Variants in VRK1 observed in about 807,000 individuals in gnomAD.
VRK1 encodes VRK serine/threonine kinase 1, also known as serine/threonine-protein kinase VRK1.
VRK1 carries 33 observed loss-of-function variants against 57.1 expected under a neutral mutation model. The ratio of observed to expected loss-of-function variants is 0.58; its 90% CI spans 0.44 to 0.77. The LOEUF is 0.77. Ranked by LOEUF, VRK1 falls within the 30% of genes least tolerant of loss-of-function variation. The probability of loss-of-function intolerance (pLI) is 0.00; values close to 1 mark genes in which losing one functional copy is unlikely to be tolerated. For missense variants in VRK1, 413 were observed against 477.3 expected (o/e 0.87, Z 1.25); for synonymous variants, 137 against 147.8 (o/e 0.93, Z 0.53).
At chr14:96,849,726 A>AT (rs1468639292) in intron 5 of VRK1, among the ~76,000 whole-genome samples, 1 of 152,118 alleles carries the variant, frequency 6.6e-6, no homozygotes, top group African/African-American at 2.4e-5. Flanking sequence ...AATTGGTTTC[A>AT]TTTGTTTGTC....
chr14:96,846,754 A>G (rs537558363), intron 4 of VRK1, among the ~76,000 whole-genome samples: 5 of 152,040 alleles, frequency 3.3e-5, no homozygotes, highest in Admixed American at 1.3e-4. Flanking sequence ...CAATTCAATA[A>G]TAAAAAATAA....
intron 1 of VRK1, among the ~76,000 whole-genome samples, chr14:96,800,652 T>C (rs1885622216): frequency 6.6e-6 from 1 of 152,102 alleles, no homozygotes; most frequent in African/African-American, 2.4e-5. Flanking sequence ...GGTAAGTATA[T>C]GGATTTTGAT....
chr14:96,837,762 C>T lies in VRK1; in HGVS notation c.161C>T (p.Ala54Val). 1 of 1,554,414 alleles carries T rather than the reference C, an allele frequency of 6.4e-7. No individual in the cohort carries two copies. Among genetic ancestry groups the T allele is most frequent in the Non-Finnish European group, 8.7e-7 (1 of 1,148,956 alleles). ...GQGGFGCIYL[A>V]DMNSSESVGS... is the part of the protein sequence containing the mutation. ...TCAAATATTTTACTTTTTTAAACAG[C>T]TGATATGAATTCTTCAGAGTCAGTT... The change falls in exon 3 of 13, where the codon GCT (alanine) becomes GTT (valine). Residue 54 changes from alanine to valine, a missense_variant and splice_region_variant. By Grantham distance (64) the Ala-to-Val change is moderately conservative. Around this residue, in one of 3 missense-constraint regions of VRK1, gnomAD observed 116 missense variants for 113.6 expected, o/e 1.02. Coordinates refer to ENST00000216639, the MANE Select transcript of VRK1 (RefSeq NM_003384.3).
intron 1 of VRK1, among the ~76,000 whole-genome samples, chr14:96,831,504 ATTACAATTAGTTTCAATTAG>A (rs1887003366): frequency 6.6e-6 from 1 of 152,212 alleles, no homozygotes; most frequent in African/African-American, 2.4e-5. Context: ...TTAATTAATT[ATTACAATTAGTTTCAATTAG>A]TTGGCCACAG....
At position 96,850,490 on chromosome 14, in the gene VRK1, G is replaced by A. The variant is rs78119853; in HGVS notation, c.375-2341G>A. Reference sequence around the variant, plus strand: ...GTCTTTCCAGAAGAATGTGGTAATGGTTTCTGTGAAATTTGTGGAATCATG... The same window carrying A: ...GTCTTTCCAGAAGAATGTGGTAATGATTTCTGTGAAATTTGTGGAATCATG... On this transcript the variant is annotated intron_variant, in intron 5 of 12. Coordinates refer to ENST00000216639, the MANE Select transcript of VRK1 (RefSeq NM_003384.3). Among the ~76,000 whole-genome samples the A allele has an allele frequency of 7.3e-3, 1,113 of 152,264 alleles. 16 individuals are homozygous for A. The highest frequency in any genetic ancestry group is 0.026 in the African/African-American group (1,066 of 41,560).
rs148342698 is a variant in VRK1 at position 96,856,732 on chromosome 14, G to T, written c.889+146G>T. 20 of 711,258 alleles carry T rather than the reference G, an allele frequency of 2.8e-5. No individual in the cohort carries two copies. In the African/African-American group the frequency reaches 3.3e-4, roughly 12 times the overall value. 44.1% of individuals were successfully genotyped at this position (711,258 alleles called of 1,614,324 possible). A position where few individuals can be genotyped will look rare whatever the true frequency, so the allele number is the denominator to read the frequency against. On this transcript the variant is annotated intron_variant, in intron 10 of 12. Coordinates refer to ENST00000216639, the MANE Select transcript of VRK1 (RefSeq NM_003384.3). ...ACCTGTAATCCCAGCACTTTGGGAG[G>T]CTGAGGTGGGTGGATCACGAGGTCA...
chr14:96,807,579 G>A lies in VRK1; in HGVS notation c.-6+10132G>A, dbSNP rs114567259. Among the ~76,000 whole-genome samples the A allele has an allele frequency of 5.9e-3, 892 of 152,280 alleles. 11 individuals carry two copies. Among genetic ancestry groups the A allele is most frequent in the African/African-American group, 0.02 (839 of 41,540 alleles). ...TAGATATAACACTTTTCTTCTGTGAGTTAAGGGAAGAATATCACCTTCCTT... is the reference window on the plus strand; with the variant it reads ...TAGATATAACACTTTTCTTCTGTGAATTAAGGGAAGAATATCACCTTCCTT... On this transcript the variant is annotated intron_variant, in intron 1 of 12. Coordinates refer to ENST00000216639, the MANE Select transcript of VRK1 (RefSeq NM_003384.3).
At chr14:96,844,845 C>T (rs891771554) in intron 3 of VRK1, among the ~76,000 whole-genome samples, 1 of 152,150 alleles carries the variant, frequency 6.6e-6, no homozygotes, top group Admixed American at 6.5e-5. Flanking sequence ...CTATGCCAGG[C>T]CTTCTTCTAA....
At chr14:96,848,299 T>A (rs557121725) in intron 5 of VRK1, among the ~76,000 whole-genome samples, 1 of 152,332 alleles carries the variant, frequency 6.6e-6, no homozygotes, top group African/African-American at 2.4e-5. Context: ...TTCACTTTCC[T>A]GGCAAAGAAA....
In VRK1 at chr14:96,833,604, C is replaced by A; in HGVS notation, c.133C>A (p.Gln45Lys). ...KEWKVGLPIG[Q>K]GGFGCIYLAD... ...ATGGAAAGTAGGATTACCCATTGGC[C>A]AAGGAGGCTTTGGCTGTATATATCT... The change falls in exon 2 of 13, where the codon CAA becomes AAA. Residue 45 changes from glutamine (Q) to lysine (K), a missense_variant. Transcript: ENST00000216639. The A allele has an allele frequency of 6.2e-7, 1 of 1,613,660 alleles. No homozygotes were observed. The highest frequency in any genetic ancestry group is 8.5e-7 in the Non-Finnish European group (1 of 1,179,688).
chr14:96,808,006 T>TCTCCGTCTCTCTCTCTCACA (rs1566683545), intron 1 of VRK1, among the ~76,000 whole-genome samples: 1 of 117,018 alleles, frequency 8.5e-6, no homozygotes, highest in Non-Finnish European at 1.7e-5. Flanking sequence ...TCTCTCCCTC[T>TCTCCGTCTCTCTCTCTCACA]CTCTCTCCCT....
At chr14:96,817,774 T>C (rs1156531575) in intron 1 of VRK1, among the ~76,000 whole-genome samples, 2 of 152,192 alleles carry the variant, frequency 1.3e-5, no homozygotes, top group Non-Finnish European at 2.9e-5. Flanking sequence ...ATATGCTAAG[T>C]GTTATGTAAA....
intron 5 of VRK1, among the ~76,000 whole-genome samples, chr14:96,852,310 G>A (rs1887983137): frequency 6.6e-6 from 1 of 152,134 alleles, no homozygotes; most frequent in Non-Finnish European, 1.5e-5. Flanking sequence ...GCCATTGAGT[G>A]TTTAATGTAC....
chr14:96,881,306 G>A lies in VRK1; in HGVS notation c.*98G>A. 1 of 1,119,952 alleles carries A rather than the reference G, an allele frequency of 8.9e-7. No homozygotes were observed. Among genetic ancestry groups the A allele is most frequent in the Non-Finnish European group, 1.3e-6 (1 of 769,786 alleles). The allele number at this position is 1,119,952 out of a possible 1,614,324, so 69.4% of individuals were successfully genotyped here. ...TTTTATTTTCCTGTGAGTCTTGCGA[G>A]GTGGAAGTAATGATTAAATACTCAT... On this transcript the variant is annotated 3_prime_UTR_variant, in exon 13 of 13. Coordinates refer to ENST00000216639, the MANE Select transcript of VRK1 (RefSeq NM_003384.3).
chr14:96,809,878 T>A (rs1039564318), intron 1 of VRK1, among the ~76,000 whole-genome samples: 1 of 152,176 alleles, frequency 6.6e-6, no homozygotes, highest in African/African-American at 2.4e-5. Flanking sequence ...TGGCCATGTG[T>A]CTAGTTTTAA....
chr14:96,815,410 G>A (rs78043256), intron 1 of VRK1, among the ~76,000 whole-genome samples: 12,636 of 152,102 alleles, frequency 0.083, 687 homozygotes, highest in Non-Finnish European at 0.13. Context: ...ACTAGTGAAA[G>A]CCATTATTTG....
intron 11 of VRK1, among the ~76,000 whole-genome samples, chr14:96,865,935 C>G (rs1208815662): frequency 6.6e-6 from 1 of 151,798 alleles, no homozygotes; most frequent in African/African-American, 2.4e-5. Flanking sequence ...ATCATTTCCT[C>G]TATTTTTTAA....
intron 4 of VRK1, among the ~76,000 whole-genome samples, chr14:96,846,537 G>T (rs1887701245): frequency 6.6e-6 from 1 of 151,868 alleles, no homozygotes; most frequent in Non-Finnish European, 1.5e-5. Context: ...CCTGGTTGAG[G>T]ACTTTTATAT....
At position 96,881,428 on chromosome 14, in the gene VRK1, A is replaced by T; in HGVS notation, c.*220A>T. The T allele has an allele frequency of 2.1e-6, 1 of 482,464 alleles. No homozygotes were observed. The highest frequency in any genetic ancestry group is 3.6e-5 in the Admixed American group (1 of 27,528). 29.9% of individuals were successfully genotyped at this position (482,464 alleles called of 1,614,324 possible). On this transcript the variant is annotated 3_prime_UTR_variant, in exon 13 of 13. Coordinates refer to ENST00000216639, the MANE Select transcript of VRK1 (RefSeq NM_003384.3). Reference sequence around the variant, plus strand: ...TGAAAATCTTCAGGTTATACTCCTTAAGTTATCCCAAAGCCGTGTGTTTGT... The same window carrying T: ...TGAAAATCTTCAGGTTATACTCCTTTAGTTATCCCAAAGCCGTGTGTTTGT...
Sources: allele counts gnomAD v4.1 joint callset (sites outside exome capture counted in the v4.1 genomes callset), GRCh38; gene constraint gnomAD v4.1.1; regional missense constraint gnomAD v4.1.1; transcripts MANE v1.5; gene names NCBI Gene and HGNC (gene_info 2026-07-23, HGNC 2026-07-21).